The following ABTB2 variants were observed in gnomAD, a reference collection of about 807,000 sequenced individuals.
The protein encoded by ABTB2 is ankyrin repeat and BTB/POZ domain-containing protein 2.
ABTB2 carries 56 observed loss-of-function variants against 104.1 expected under a neutral mutation model. That is an observed-to-expected ratio of 0.54 (90% confidence interval 0.43 to 0.67). The LOEUF (loss-of-function observed/expected upper bound fraction) is 0.67. Ranked by LOEUF, ABTB2 falls within the 30% of genes least tolerant of loss-of-function variation. The pLI is 0.00. For synonymous variants in ABTB2, 606 were observed against 608.2 expected (o/e 1.00, Z 0.05); for missense variants, 1,279 against 1,407.7 (o/e 0.91, Z 1.46).
At chr11:34,192,932 G>T (rs2982603) in intron 3 of ABTB2, among the ~76,000 whole-genome samples, 147,044 of 152,294 alleles carry the variant, frequency 0.97, 71,202 homozygotes, top group East Asian at 1. Context: ...GCTGGCAAGC[G>T]GGCGGCCCTC....
chr11:34,311,900 G>A (rs1050522145), intron 1 of ABTB2, among the ~76,000 whole-genome samples: 59 of 152,306 alleles, frequency 3.9e-4, no homozygotes, highest in African/African-American at 1.3e-3. Context: ...CAGCACTTTG[G>A]GAGGCCAAGG....
chr11:34,163,218 C>G (rs544354691), intron 9 of ABTB2, among the ~76,000 whole-genome samples: 1 of 152,242 alleles, frequency 6.6e-6, no homozygotes, highest in Non-Finnish European at 1.5e-5. Context: ...AATGCAGAGC[C>G]TGAAACACAG....
chr11:34,256,777 C>G (rs186847259), intron 1 of ABTB2, among the ~76,000 whole-genome samples: 1 of 152,168 alleles, frequency 6.6e-6, no homozygotes, highest in East Asian at 1.9e-4. Flanking sequence ...TCAACACTCA[C>G]GCTCTTTCAC....
chr11:34,325,693 G>A (rs969247516), intron 1 of ABTB2, among the ~76,000 whole-genome samples: 31 of 152,150 alleles, frequency 2.0e-4, no homozygotes, highest in Middle Eastern at 3.2e-3. Context: ...ACTCACGCCT[G>A]CAATCCCAGC....
chr11:34,357,022 T>C lies in ABTB2; in HGVS notation c.562A>G (p.Ser188Gly). 1 of 1,559,006 alleles carries C rather than the reference T, an allele frequency of 6.4e-7. No homozygotes were observed. Among genetic ancestry groups the C allele is most frequent in the Non-Finnish European group, 8.7e-7 (1 of 1,155,376 alleles). The part of the protein sequence containing the change: ...AVKALSLYSM[S>G]AGDGLRRGKS... ...CCCCGGCGCAGCCCGTCGCCGGCGC[T>C]CATGCTGTACAGGGACAGCGCCTTG... is the stretch of plus-strand genomic sequence containing the variant. The change falls in exon 1 of 17, where the codon AGC (serine) becomes GGC (glycine). Residue 188 changes from serine (S) to glycine (G), a missense_variant. Transcript: ENST00000435224.
chr11:34,288,922 C>G (rs773860892), intron 1 of ABTB2, among the ~76,000 whole-genome samples: 45 of 152,200 alleles, frequency 3.0e-4, no homozygotes, highest in Non-Finnish European at 5.7e-4. Context: ...TAATCACATA[C>G]TCCCAATCCC....
At chr11:34,213,459 C>T (rs1853508981) in intron 1 of ABTB2, among the ~76,000 whole-genome samples, 1 of 152,072 alleles carries the variant, frequency 6.6e-6, no homozygotes, top group African/African-American at 2.4e-5. Flanking sequence ...CCAGCCTGGG[C>T]AAGAGAGCGA....
chr11:34,160,232 G>A lies in ABTB2; in HGVS notation c.2503+16C>T. The A allele has an allele frequency of 6.3e-7, 1 of 1,593,048 alleles. No homozygotes were observed. The highest frequency in any genetic ancestry group is 8.6e-7 in the Non-Finnish European group (1 of 1,161,026). On this transcript the variant is annotated intron_variant, in intron 12 of 16. Coordinates refer to ENST00000435224, the MANE Select transcript of ABTB2 (RefSeq NM_145804.3). Reference sequence around the variant, plus strand: ...AGGACGTGTGGTGATGCAGGGCGCAGGGGGCGCGCCTTCACCTAGCCTGGC... The same window carrying A: ...AGGACGTGTGGTGATGCAGGGCGCAAGGGGCGCGCCTTCACCTAGCCTGGC...
At chr11:34,223,914 G>A (rs1259138272) in intron 1 of ABTB2, among the ~76,000 whole-genome samples, 1 of 152,146 alleles carries the variant, frequency 6.6e-6, no homozygotes, top group Non-Finnish European at 1.5e-5. Context: ...TCCAGTCTCA[G>A]CCTATTCACT....
At chr11:34,238,438 G>C (rs1485759000) in intron 1 of ABTB2, among the ~76,000 whole-genome samples, 1 of 152,142 alleles carries the variant, frequency 6.6e-6, no homozygotes, top group Non-Finnish European at 1.5e-5. Flanking sequence ...CAGGGCTTTT[G>C]TCTGTTTTAT....
chr11:34,152,599 G>A lies in ABTB2; in HGVS notation c.2881-15C>T, dbSNP rs919069734. 4.8e-5 allele frequency: 77 copies of A among 1,595,708 alleles called. No homozygotes were observed. The highest frequency in any genetic ancestry group is 6.4e-5 in the Non-Finnish European group (75 of 1,166,822). On this transcript the variant is annotated splice_polypyrimidine_tract_variant and intron_variant, in intron 16 of 16. Transcript: ENST00000435224. ...GCATTGTGGATCTGTAGGGCAGAGAGAGGAGGGGTGAAGCCCATCGCCTTA... is the reference window on the plus strand; with the variant it reads ...GCATTGTGGATCTGTAGGGCAGAGAAAGGAGGGGTGAAGCCCATCGCCTTA...
chr11:34,154,226 TGTG>T lies in ABTB2; in HGVS notation c.2880+36_2880+38del, dbSNP rs1852587793. Reference sequence around the variant, plus strand: ...GCCGAGGCCCCCGTGGAGCAGAGCATGTGGTGGGAGGTGGCCAGCAGGCATCCT... The same window carrying T: ...GCCGAGGCCCCCGTGGAGCAGAGCATGTGGGAGGTGGCCAGCAGGCATCCT... On this transcript the variant is annotated intron_variant, in intron 16 of 16. Transcript: ENST00000435224. This position sits in a 1 kb window ranked among gnomAD's most constrained non-coding sequence, Gnocchi z 4.9. The T allele has an allele frequency of 6.6e-7, 1 of 1,505,400 alleles. No individual in the cohort carries two copies. The highest frequency in any genetic ancestry group is 9.2e-7 in the Non-Finnish European group (1 of 1,083,260). The allele number at this position is 1,505,400 out of a possible 1,614,324, so 93.3% of individuals were successfully genotyped here. A position where few individuals can be genotyped will look rare whatever the true frequency, so the allele number is the denominator to read the frequency against.
At chr11:34,342,668 G>A (rs1855275301) in intron 1 of ABTB2, among the ~76,000 whole-genome samples, 1 of 152,096 alleles carries the variant, frequency 6.6e-6, no homozygotes, top group Admixed American at 6.6e-5. Context: ...TTTGACCCAC[G>A]GTAGGTCTGT....
Position 34,176,611 on chromosome 11 carries a change from C to T in ABTB2, c.1245-3304G>A, listed in dbSNP as rs1852963958. Among the ~76,000 whole-genome samples the T allele has an allele frequency of 5.3e-5, 8 of 152,340 alleles. No homozygotes were observed. In the South Asian group the frequency reaches 1.7e-3, roughly 32 times the overall value. The stretch of plus-strand genomic sequence containing the variant: ...AAGCTATGATCGCACCACTCCCCTG[C>T]AGCCTGGGAGACAAAGAGAGACCGT... On this transcript the variant is annotated intron_variant, in intron 3 of 16. Coordinates refer to ENST00000435224, the MANE Select transcript of ABTB2 (RefSeq NM_145804.3).
At chr11:34,167,830 C>A in intron 6 of ABTB2, 73 bp downstream of exon 6, 4 of 1,481,224 alleles carry the variant, frequency 2.7e-6, no homozygotes, top group Non-Finnish European at 3.8e-6. Context: ...TCACGCCCAG[C>A]GTGTTTGTTG....
In ABTB2 at chr11:34,152,380, C is replaced by G; in HGVS notation, c.*7G>C. ...GGCCCTGGCCTCGGCAGCCTCCGCCCCCTGCCTCACACCCGGGAGGTGATG... is the reference window on the plus strand; with the variant it reads ...GGCCCTGGCCTCGGCAGCCTCCGCCGCCTGCCTCACACCCGGGAGGTGATG... On this transcript the variant is annotated 3_prime_UTR_variant, in exon 17 of 17. Coordinates refer to ENST00000435224, the MANE Select transcript of ABTB2 (RefSeq NM_145804.3). 2 of 1,556,134 alleles carry G rather than the reference C, an allele frequency of 1.3e-6. No homozygotes were observed. The highest frequency in any genetic ancestry group is 1.2e-5 in the South Asian group (1 of 84,490).
At chr11:34,335,534 C>T (rs558425184) in intron 1 of ABTB2, 2 of 1,244,028 alleles carry the variant, frequency 1.6e-6, no homozygotes, top group Non-Finnish European at 2.3e-6. Context: ...AATCTTTTCG[C>T]CACAATTCTG....
At chr11:34,279,788 T>TTC (rs34246326) in intron 1 of ABTB2, among the ~76,000 whole-genome samples, 5,092 of 78,280 alleles carry the variant, frequency 0.065, 207 homozygotes, top group African/African-American at 0.27. Context: ...TTTCTTCTTC[T>TTC]TTTTTTTTTT....
At chr11:34,314,321 A>G (rs964615321) in intron 1 of ABTB2, among the ~76,000 whole-genome samples, 1 of 152,142 alleles carries the variant, frequency 6.6e-6, no homozygotes, top group Admixed American at 6.5e-5. Flanking sequence ...CCTGTTCACT[A>G]AGTGGGTCAG....
Sources: gnomAD v4.1 joint callset for allele counts (sites outside exome capture counted in the v4.1 genomes callset) on GRCh38, gnomAD v4.1.1 for gene constraint, Gnocchi (gnomAD v3.1) non-coding constraint, MANE v1.5 for transcripts, NCBI Gene and HGNC (gene_info 2026-07-23, HGNC 2026-07-21) for gene names.